Variants in SLC25A48 observed in about 807,000 individuals in gnomAD.
The protein encoded by SLC25A48 is CTC-321K16.1.
Under a neutral mutation model 32.2 loss-of-function variants are expected in SLC25A48, and 29 were observed. The observed-to-expected ratio is 0.90, with a 90% CI of 0.67 to 1.23. SLC25A48 has a LOEUF of 1.23. SLC25A48 is among the 50% of genes most tolerant of loss of function. SLC25A48 has a pLI of 0.00. For missense variants in SLC25A48, 399 were observed against 422.7 expected (o/e 0.94, Z 0.49); for synonymous variants, 164 against 172.3 (o/e 0.95, Z 0.38).
chr5:135,742,369 C>T (rs889071891), intron 3 of SLC25A48: 12 of 1,062,728 alleles, frequency 1.1e-5, no homozygotes, highest in African/African-American at 3.3e-5. Context: ...GCATGAATCA[C>T]CACACCTGGC....
At chr5:135,810,564 A>G (rs1034479158) in intron 3 of SLC25A48, among the ~76,000 whole-genome samples, 11 of 152,190 alleles carry the variant, frequency 7.2e-5, no homozygotes, top group Non-Finnish European at 1.0e-4. Flanking sequence ...TCAAGTATCT[A>G]TTACATGCAG....
chr5:135,648,705 T>A (rs1443334662), intron 3 of SLC25A48: 1 of 152,272 alleles, frequency 6.6e-6, no homozygotes, highest in Non-Finnish European at 1.5e-5. Flanking sequence ...TAGGAAAGTT[T>A]ACTTGAAATC....
chr5:135,799,450 C>T (rs938855356), intron 3 of SLC25A48, among the ~76,000 whole-genome samples: 3 of 151,318 alleles, frequency 2.0e-5, no homozygotes, highest in Non-Finnish European at 3.0e-5. Flanking sequence ...ATGTGACTCC[C>T]AATATTGCAG....
At chr5:135,851,113 T>G (rs898250363) in intron 3 of SLC25A48, among the ~76,000 whole-genome samples, 5 of 152,184 alleles carry the variant, frequency 3.3e-5, no homozygotes, top group African/African-American at 9.7e-5. Context: ...AACCATCAGG[T>G]GGAACCCTGT....
chr5:135,824,224 G>A (rs953995678), intron 4 of SLC25A48, among the ~76,000 whole-genome samples: 4 of 152,154 alleles, frequency 2.6e-5, no homozygotes, highest in Non-Finnish European at 5.9e-5. Flanking sequence ...AGCCCTGAGT[G>A]CTTGAGCAAT....
chr5:135,683,413 T>C (rs1753944852), intron 3 of SLC25A48, among the ~76,000 whole-genome samples: 1 of 152,264 alleles, frequency 6.6e-6, no homozygotes, highest in Admixed American at 6.5e-5. Context: ...CTAACTGGCA[T>C]TCTTGCTGAC....
chr5:135,612,634 A>T (rs1752100185), intron 1 of SLC25A48, among the ~76,000 whole-genome samples: 1 of 152,144 alleles, frequency 6.6e-6, no homozygotes, highest in African/African-American at 2.4e-5. Flanking sequence ...AGTAAGAACA[A>T]TGTGAAATTT....
chr5:135,777,784 C>CG (rs55658230), intron 3 of SLC25A48, among the ~76,000 whole-genome samples: 2,006 of 142,212 alleles, frequency 0.014, 29 homozygotes, highest in African/African-American at 0.028. Flanking sequence ...TCCTAATATC[C>CG]GGGGGGGGGG....
At chr5:135,814,607 G>T (rs1055754579) in intron 4 of SLC25A48, among the ~76,000 whole-genome samples, 6 of 152,208 alleles carry the variant, frequency 3.9e-5, no homozygotes, top group African/African-American at 1.4e-4. Context: ...CAGAGTAGGG[G>T]CTAGAAGCAC....
chr5:135,693,309 G>C (rs1375276201), intron 3 of SLC25A48, among the ~76,000 whole-genome samples: 4 of 152,202 alleles, frequency 2.6e-5, no homozygotes, highest in Non-Finnish European at 5.9e-5. Flanking sequence ...AGTGAATTTT[G>C]CATGAGGTCA....
chr5:135,818,899 G>T (rs894459431), intron 4 of SLC25A48, among the ~76,000 whole-genome samples: 1 of 151,956 alleles, frequency 6.6e-6, no homozygotes, highest in African/African-American at 2.4e-5. Flanking sequence ...AAAACCAAAT[G>T]AAAATGTTAG....
chr5:135,737,424 C>G (rs1755401859), intron 3 of SLC25A48, among the ~76,000 whole-genome samples: 2 of 152,140 alleles, frequency 1.3e-5, no homozygotes, highest in Non-Finnish European at 1.5e-5. Context: ...TTCAGGCCAT[C>G]TGGATGTATA....
chr5:135,872,095 C>A, intron 5 of SLC25A48: 1 of 986,912 alleles, frequency 1.0e-6, no homozygotes, highest in Non-Finnish European at 1.3e-6. Context: ...CCCCATTTCA[C>A]AGATGAGAAA....
chr5:135,681,469 A>T (rs1200483379), intron 3 of SLC25A48, among the ~76,000 whole-genome samples: 1 of 152,174 alleles, frequency 6.6e-6, no homozygotes, highest in Non-Finnish European at 1.5e-5. Context: ...TATCTTCTAG[A>T]ACACAGAGAA....
Position 135,886,943 on chromosome 5 carries a change from A to G in SLC25A48, c.*8-1089A>G, listed in dbSNP as rs116479430. Among the ~76,000 whole-genome samples the G allele has an allele frequency of 5.0e-3, 762 of 152,016 alleles. 5 individuals are homozygous for G. The highest frequency in any genetic ancestry group is 0.018 in the African/African-American group (731 of 41,478). On this transcript the variant is annotated intron_variant, in intron 7 of 7. Coordinates refer to ENST00000681962, the MANE Select transcript of SLC25A48 (RefSeq NM_001349336.2). ...AGTTGGGGGGCTTCAGGGTTGGCCA[A>G]TTTGCCTTACCAGGAAAGATGAAAA...
At chr5:135,618,770 T>A (rs894991050) in intron 1 of SLC25A48, among the ~76,000 whole-genome samples, 3 of 152,084 alleles carry the variant, frequency 2.0e-5, no homozygotes, top group African/African-American at 7.2e-5. Flanking sequence ...CTGGGTATAG[T>A]ATACTTGAGT....
At chr5:135,660,833 C>T (rs1176261104) in intron 3 of SLC25A48, among the ~76,000 whole-genome samples, 3 of 152,200 alleles carry the variant, frequency 2.0e-5, no homozygotes, top group Non-Finnish European at 4.4e-5. Flanking sequence ...AACAAGTCCC[C>T]GGGTGCTGCT....
chr5:135,594,335 G>GACAC (rs1235745918), intron 1 of SLC25A48, among the ~76,000 whole-genome samples: 1 of 152,204 alleles, frequency 6.6e-6, no homozygotes, highest in Non-Finnish European at 1.5e-5. Context: ...GGTGAAACCT[G>GACAC]ACACATCCCT....
intron 3 of SLC25A48, among the ~76,000 whole-genome samples, chr5:135,729,150 T>C (rs1288558484): frequency 6.6e-6 from 1 of 152,162 alleles, no homozygotes; most frequent in East Asian, 1.9e-4. Context: ...TGGGGACTTC[T>C]GGGGCCCTAC....
Sources: allele counts gnomAD v4.1 joint callset (sites outside exome capture counted in the v4.1 genomes callset), GRCh38; gene constraint gnomAD v4.1.1; transcripts MANE v1.5; gene names NCBI Gene and HGNC (gene_info 2026-07-23, HGNC 2026-07-21).